The following EVL variants were observed in gnomAD, a reference collection of about 807,000 sequenced individuals.
The protein encoded by EVL is Enah/Vasp-like.
A neutral mutation model predicts 59.6 loss-of-function variants in EVL; 21 were observed. That is an observed-to-expected ratio of 0.35 (90% CI 0.25 to 0.51). The LOEUF is 0.51. Ranked by LOEUF, EVL falls within the 20% of genes least tolerant of loss-of-function variation. The pLI, the probability that EVL is intolerant of heterozygous loss-of-function variation, is 0.97. For synonymous variants in EVL, 198 were observed against 203.5 expected (o/e 0.97, Z 0.23); for missense variants, 462 against 546.6 (o/e 0.85, Z 1.54).
chr14:99,998,743 G>T (rs766968499), intron 1 of EVL, among the ~76,000 whole-genome samples: 2 of 152,008 alleles, frequency 1.3e-5, no homozygotes, highest in Admixed American at 1.3e-4. Flanking sequence ...GTTTACTAGC[G>T]TTTATGTATG....
At chr14:100,026,424 T>A (rs2061214349) in intron 1 of EVL, among the ~76,000 whole-genome samples, 1 of 152,310 alleles carries the variant, frequency 6.6e-6, no homozygotes, top group African/African-American at 2.4e-5. Flanking sequence ...CTTTCCCAGA[T>A]ACTATGTGCC....
chr14:99,973,360 C>G (rs1056441607), intron 1 of EVL, among the ~76,000 whole-genome samples: 1 of 152,184 alleles, frequency 6.6e-6, no homozygotes, highest in Admixed American at 6.5e-5. Context: ...TGGTTTTAAT[C>G]TGCAGTTTCC....
intron 3 of EVL, among the ~76,000 whole-genome samples, chr14:100,112,240 T>C (rs1024532473): frequency 2.6e-5 from 4 of 152,062 alleles, no homozygotes; most frequent in African/African-American, 9.7e-5. Context: ...AGTTTGAGAG[T>C]GGACAGGCTG....
At chr14:100,026,340 A>G (rs774801899) in intron 1 of EVL, among the ~76,000 whole-genome samples, 11 of 152,134 alleles carry the variant, frequency 7.2e-5, no homozygotes, top group African/African-American at 9.7e-5. Flanking sequence ...GAGAACAGAC[A>G]CTCAGAGAGG....
At chr14:100,004,704 T>A (rs2140187476) in intron 1 of EVL, among the ~76,000 whole-genome samples, 1 of 152,326 alleles carries the variant, frequency 6.6e-6, no homozygotes, top group South Asian at 2.1e-4. Flanking sequence ...TATAAAATTA[T>A]TTCTCTTTAA....
intron 1 of EVL, among the ~76,000 whole-genome samples, chr14:99,974,006 C>T (rs553190776): frequency 6.6e-6 from 1 of 152,260 alleles, no homozygotes; most frequent in East Asian, 1.9e-4. Context: ...GAAGAATACT[C>T]TTCAGTATTC....
At chr14:100,119,891 A>C (rs1231691368) in intron 3 of EVL, among the ~76,000 whole-genome samples, 1 of 152,122 alleles carries the variant, frequency 6.6e-6, no homozygotes, top group Non-Finnish European at 1.5e-5. Context: ...TGGGAACAAG[A>C]CAATTAAGAT....
chr14:100,040,469 TAG>T (rs991301817), intron 1 of EVL, among the ~76,000 whole-genome samples: 1 of 152,156 alleles, frequency 6.6e-6, no homozygotes, highest in Admixed American at 6.5e-5. Flanking sequence ...AGAGAGAAGG[TAG>T]AGTGTGGCTG....
chr14:100,047,116 CTCTTTTTTTTT>C (rs1308740450), intron 1 of EVL, among the ~76,000 whole-genome samples: 2 of 28,420 alleles, frequency 7.0e-5, no homozygotes, highest in African/African-American at 1.8e-4. Context: ...AGATCTCTCT[CTCTTTTTTTTT>C]TTTTTTTTTT....
At position 100,114,265 on chromosome 14, in the gene EVL, CACAG is replaced by C. The variant is rs971704375; in HGVS notation, c.359-9273_359-9270del. The stretch of plus-strand genomic sequence containing the variant: ...GGTGGTGCCAAATTTAGGCATGCCT[CACAG>C]GCATTCTCTGCACACTTGCTCCCTT... On this transcript the variant is annotated intron_variant, in intron 3 of 13. Transcript: ENST00000392920. This position sits in a 1 kb window ranked among gnomAD's most constrained non-coding sequence, Gnocchi z 5.0. Among the ~76,000 whole-genome samples, 1 of 152,072 alleles carries C rather than the reference CACAG, an allele frequency of 6.6e-6. No individual in the cohort carries two copies. Among genetic ancestry groups the C allele is most frequent in the Non-Finnish European group, 1.5e-5 (1 of 68,008 alleles).
chr14:100,043,291 ATATGTG>A (rs1040489386), intron 1 of EVL, among the ~76,000 whole-genome samples: 3 of 151,616 alleles, frequency 2.0e-5, no homozygotes, highest in African/African-American at 7.3e-5. Flanking sequence ...GTGTGTATAT[ATATGTG>A]TGTGTGTGTG....
intron 1 of EVL, among the ~76,000 whole-genome samples, chr14:100,058,756 A>G (rs2061774380): frequency 1.3e-5 from 2 of 152,182 alleles, no homozygotes; most frequent in Non-Finnish European, 2.9e-5. Flanking sequence ...TGGAATCCCT[A>G]TCTCATAGCA....
chr14:100,086,965 AAGAC>A (rs2140304852), intron 2 of EVL, among the ~76,000 whole-genome samples: 1 of 152,334 alleles, frequency 6.6e-6, no homozygotes, highest in East Asian at 1.9e-4. Flanking sequence ...CCTCAGTAGA[AAGAC>A]TGATTTTCAC....
chr14:100,063,936 T>G (rs941454984), upstream of EVL, among the ~76,000 whole-genome samples: 1 of 152,160 alleles, frequency 6.6e-6, no homozygotes, highest in South Asian at 2.1e-4. Flanking sequence ...GCAACAGATA[T>G]AGGAAAACAC....
At chr14:100,010,754 A>G (rs1435941476) in intron 1 of EVL, among the ~76,000 whole-genome samples, 2 of 152,120 alleles carry the variant, frequency 1.3e-5, no homozygotes, top group Non-Finnish European at 2.9e-5. Context: ...ACTTCCAAGC[A>G]TTGTTATATT....
chr14:99,995,960 ACT>A (rs2140181480), intron 1 of EVL, among the ~76,000 whole-genome samples: 1 of 151,890 alleles, frequency 6.6e-6, no homozygotes, highest in Admixed American at 6.6e-5. Context: ...GGTACTGCAC[ACT>A]CTCTGGTGCT....
chr14:100,008,596 G>T (rs1373277682), intron 1 of EVL, among the ~76,000 whole-genome samples: 2 of 152,092 alleles, frequency 1.3e-5, no homozygotes, highest in Admixed American at 6.5e-5. Flanking sequence ...TTGCTTTAGG[G>T]TCCAAGAAAG....
chr14:99,979,044 C>CT (rs2060789098), intron 1 of EVL, among the ~76,000 whole-genome samples: 1 of 152,126 alleles, frequency 6.6e-6, no homozygotes, highest in Admixed American at 6.5e-5. Flanking sequence ...CTAACAGACT[C>CT]TATGTATTTT....
At chr14:100,017,671 T>C (rs1325757849) in intron 1 of EVL, among the ~76,000 whole-genome samples, 1 of 152,226 alleles carries the variant, frequency 6.6e-6, no homozygotes, top group Non-Finnish European at 1.5e-5. Context: ...AACTGAGTTA[T>C]TTAATGACTT....
Sources: allele counts gnomAD v4.1 joint callset (sites outside exome capture counted in the v4.1 genomes callset), GRCh38; gene constraint gnomAD v4.1.1; non-coding constraint Gnocchi (gnomAD v3.1); transcripts MANE v1.5; gene names NCBI Gene and HGNC (gene_info 2026-07-23, HGNC 2026-07-21).